MAP2K4: variants seen among roughly 807,000 people sequenced by gnomAD.
The protein encoded by MAP2K4 is mitogen-activated protein kinase kinase 4.
Under a neutral mutation model 48.5 loss-of-function variants are expected in MAP2K4, and 4 were observed. That is an observed-to-expected ratio of 0.08 (90% CI 0.04 to 0.19). MAP2K4 has a LOEUF of 0.19. Ranked by LOEUF, MAP2K4 falls within the 10% of genes least tolerant of loss-of-function variation. The pLI is 1.00. For missense variants in MAP2K4, 258 were observed against 493.3 expected (o/e 0.52, Z 4.52); for synonymous variants, 166 against 173.1 (o/e 0.96, Z 0.32).
Position 12,139,875 on chromosome 17 carries a change from A to G in MAP2K4, c.1077A>G (p.Lys359=). ...ATGAATCCAAAAGGCCAAAGTATAA[A>G]GAGCTTCTGGTGAGTGTGGGACTGT... ...TKDESKRPKY[K]ELLKHPFILM... The change falls in exon 10 of 11, where the codon AAA becomes AAG. Residue 359 remains lysine (K), a synonymous_variant. Transcript: ENST00000353533. 6.2e-7 allele frequency: 1 copy of G among 1,606,676 alleles called. No homozygotes were observed. The highest frequency in any genetic ancestry group is 8.5e-7 in the Non-Finnish European group (1 of 1,175,370).
chr17:12,076,113 T>A lies in MAP2K4; in HGVS notation c.219-5243T>A, dbSNP rs12051780. ...TGGGAGTGAAGGTGGAGGATGTGGC[T>A]AGAGCTGTTCTAATAACCCTACTTG... is the stretch of plus-strand genomic sequence containing the variant. On this transcript the variant is annotated intron_variant, in intron 2 of 10. Transcript: ENST00000353533. Among the ~76,000 whole-genome samples, 109 of 152,294 alleles carry A rather than the reference T, an allele frequency of 7.2e-4. 3 individuals carry two copies. In the East Asian group the frequency reaches 0.019, roughly 27 times the overall value.
chr17:12,022,849 A>G (rs1302404709), intron 1 of MAP2K4, among the ~76,000 whole-genome samples: 1 of 152,218 alleles, frequency 6.6e-6, no homozygotes, highest in Non-Finnish European at 1.5e-5. Context: ...ATGGTCAGAG[A>G]AGGCTTGTCT....
At chr17:12,032,015 AAAAT>A (rs1184470358) in intron 1 of MAP2K4, among the ~76,000 whole-genome samples, 3 of 152,160 alleles carry the variant, frequency 2.0e-5, no homozygotes, top group African/African-American at 7.2e-5. Flanking sequence ...ATATATATGA[AAAAT>A]AAAGATTAAG....
rs147921985 is a variant in MAP2K4 at position 12,065,258 on chromosome 17, A to ATATTATTATTATTATTATTAT, written c.218+10281_218+10301dup. On this transcript the variant is annotated intron_variant, in intron 2 of 10. Coordinates refer to ENST00000353533, the MANE Select transcript of MAP2K4 (RefSeq NM_003010.4). ...AACAATAACAATTATATATATACAT[A>ATATTATTATTATTATTATTAT]TATTATTATTATTATTATTATTATT... Among the ~76,000 whole-genome samples, 13 of 136,222 alleles carry ATATTATTATTATTATTATTAT rather than the reference A, an allele frequency of 9.5e-5. 1 individual carries two copies. Among genetic ancestry groups the ATATTATTATTATTATTATTAT allele is most frequent in the South Asian group, 9.1e-4 (4 of 4,408 alleles). 89.4% of individuals were successfully genotyped at this position (136,222 alleles called of 152,430 possible). A position where few individuals can be genotyped will look rare whatever the true frequency, so the allele number is the denominator to read the frequency against.
At position 12,077,380 on chromosome 17, in the gene MAP2K4, A is replaced by T. The variant is rs1971046978; in HGVS notation, c.219-3976A>T. Among the ~76,000 whole-genome samples, 4 of 152,224 alleles carry T rather than the reference A, an allele frequency of 2.6e-5. No homozygotes were observed. In the South Asian group the frequency reaches 8.3e-4, roughly 31 times the overall value. On this transcript the variant is annotated intron_variant, in intron 2 of 10. Transcript: ENST00000353533. ...GAAATAAAATAATGCTAGGGGCTGT[A>T]TTAATTAAAATTAAGTTTGTTTGCA...
intron 2 of MAP2K4, 131 bp downstream of exon 2, chr17:12,055,122 C>G (rs563385117): frequency 7.3e-6 from 4 of 546,136 alleles, no homozygotes; most frequent in African/African-American, 5.7e-5. Context: ...ATTGTTTATT[C>G]TTTTCCTTCT....
At chr17:12,070,411 TTCTGCCCCTAATTCCA>T (rs1970765286) in intron 2 of MAP2K4, among the ~76,000 whole-genome samples, 1 of 152,172 alleles carries the variant, frequency 6.6e-6, no homozygotes, top group African/African-American at 2.4e-5. Context: ...CTAGAAGGGT[TTCTGCCCCTAATTCCA>T]CTCTCTGTTG....
At chr17:12,101,898 C>CT (rs1179285704) in intron 4 of MAP2K4, among the ~76,000 whole-genome samples, 1 of 151,948 alleles carries the variant, frequency 6.6e-6, no homozygotes, top group South Asian at 2.1e-4. Flanking sequence ...ATTCCAGTAG[C>CT]TTTTTTTACC....
intron 2 of MAP2K4, among the ~76,000 whole-genome samples, chr17:12,078,271 C>T (rs1971077053): frequency 6.6e-6 from 1 of 152,058 alleles, no homozygotes; most frequent in Admixed American, 6.5e-5. Flanking sequence ...TAATGAGAAC[C>T]TTGGGGTTGG....
At chr17:12,112,177 G>GA (rs1474663723) in intron 6 of MAP2K4, among the ~76,000 whole-genome samples, 5 of 152,090 alleles carry the variant, frequency 3.3e-5, no homozygotes, top group Non-Finnish European at 2.9e-5. Context: ...AGAAAGTATG[G>GA]ATGGGGCTGG....
chr17:12,030,050 C>G (rs1422738159), intron 1 of MAP2K4, among the ~76,000 whole-genome samples: 1 of 152,128 alleles, frequency 6.6e-6, no homozygotes, highest in African/African-American at 2.4e-5. Flanking sequence ...TTCCCACCAT[C>G]TTTCTCTTGT....
intron 1 of MAP2K4, among the ~76,000 whole-genome samples, chr17:12,031,207 G>T (rs1969427389): frequency 6.6e-6 from 1 of 152,086 alleles, no homozygotes; most frequent in African/African-American, 2.4e-5. Flanking sequence ...GATTACTTCG[G>T]TGGTGCACCA....
At chr17:12,022,001 G>A (rs543333663) in intron 1 of MAP2K4, among the ~76,000 whole-genome samples, 1 of 152,252 alleles carries the variant, frequency 6.6e-6, no homozygotes, top group Admixed American at 6.5e-5. Flanking sequence ...TTTTAAAACA[G>A]GGAATCTCAG....
In MAP2K4 at chr17:12,141,488, C is replaced by G. The variant is rs1973376441; in HGVS notation, c.*228C>G. The G allele has an allele frequency of 1.9e-6, 1 of 526,302 alleles. No individual in the cohort carries two copies. Among genetic ancestry groups the G allele is most frequent in the South Asian group, 2.7e-5 (1 of 36,402 alleles). The allele number at this position is 526,302 out of a possible 1,614,324, so 32.6% of individuals were successfully genotyped here. The stretch of plus-strand genomic sequence containing the variant: ...CTGGTCAGAGAGACCTCATCCTGCT[C>G]TTTTGTGATGAACATATTCATGAAA... On this transcript the variant is annotated 3_prime_UTR_variant, in exon 11 of 11. Coordinates refer to ENST00000353533, the MANE Select transcript of MAP2K4 (RefSeq NM_003010.4).
intron 1 of MAP2K4, among the ~76,000 whole-genome samples, chr17:12,028,427 C>G (rs979932008): frequency 1.3e-5 from 2 of 152,128 alleles, no homozygotes; most frequent in Admixed American, 6.5e-5. Flanking sequence ...AATAAACCAT[C>G]AGGAAATAAA....
At chr17:12,108,006 C>A in intron 5 of MAP2K4, 97 bp downstream of exon 5, 1 of 1,095,792 alleles carries the variant, frequency 9.1e-7, no homozygotes, top group Non-Finnish European at 1.3e-6. Flanking sequence ...ACTCACAGTA[C>A]CTTCCTGAAA....
At chr17:12,108,609 C>T (rs1414177731) in intron 5 of MAP2K4, among the ~76,000 whole-genome samples, 1 of 151,778 alleles carries the variant, frequency 6.6e-6, no homozygotes, top group East Asian at 1.9e-4. Context: ...GAGCAAAATT[C>T]ATAAGATTCT....
chr17:12,121,150 CTT>C (rs1279498402), intron 7 of MAP2K4, among the ~76,000 whole-genome samples: 3 of 152,124 alleles, frequency 2.0e-5, no homozygotes, highest in South Asian at 2.1e-4. Context: ...TGTACACAAA[CTT>C]TGTTTCATGC....
At chr17:12,132,591 G>A (rs963666986) in intron 9 of MAP2K4, among the ~76,000 whole-genome samples, 1 of 150,544 alleles carries the variant, frequency 6.6e-6, no homozygotes, top group African/African-American at 2.4e-5. Context: ...TGTCTGCTTC[G>A]ATTAAAAGTT....
Sources: allele counts gnomAD v4.1 joint callset (sites outside exome capture counted in the v4.1 genomes callset), GRCh38; gene constraint gnomAD v4.1.1; transcripts MANE v1.5; gene names NCBI Gene and HGNC (gene_info 2026-07-23, HGNC 2026-07-21).